KCTD16: variants seen among roughly 807,000 people sequenced by gnomAD.
The protein encoded by KCTD16 is potassium channel tetramerization domain containing 16, also known as BTB/POZ domain-containing protein KCTD16.
In KCTD16, 13 loss-of-function variants were observed where a neutral mutation model predicts 33.2. The ratio of observed to expected loss-of-function variants is 0.39; its 90% CI spans 0.25 to 0.62. KCTD16 has a LOEUF of 0.62. KCTD16 is among the 20% of genes least tolerant of loss of function. KCTD16 has a pLI of 0.50. For missense variants in KCTD16, 441 were observed against 525.1 expected (o/e 0.84, Z 1.57); for synonymous variants, 197 against 195.3 (o/e 1.01, Z -0.07).
chr5:144,381,827 A>G (rs1408572841), intron 3 of KCTD16, among the ~76,000 whole-genome samples: 1 of 152,212 alleles, frequency 6.6e-6, no homozygotes, highest in Admixed American at 6.5e-5. Context: ...AGATTTATCA[A>G]AGAATCTAAA....
At chr5:144,459,438 G>A (rs895156337) in intron 3 of KCTD16, among the ~76,000 whole-genome samples, 5 of 151,660 alleles carry the variant, frequency 3.3e-5, no homozygotes, top group African/African-American at 9.7e-5. Context: ...TGCAACTTCC[G>A]CCTCCCAGAT....
intron 3 of KCTD16, among the ~76,000 whole-genome samples, chr5:144,437,369 T>C (rs911544718): frequency 6.6e-6 from 1 of 152,064 alleles, no homozygotes; most frequent in African/African-American, 2.4e-5. Context: ...AATGGATGGG[T>C]TAATAGTGTG....
intron 3 of KCTD16, among the ~76,000 whole-genome samples, chr5:144,448,312 G>T (rs1260594358): frequency 6.6e-6 from 1 of 152,024 alleles, no homozygotes; most frequent in Non-Finnish European, 1.5e-5. Context: ...TGTAAATCTA[G>T]ATTTTGTTTC....
At chr5:144,308,345 G>T (rs142844961) in intron 3 of KCTD16, among the ~76,000 whole-genome samples, 2 of 152,196 alleles carry the variant, frequency 1.3e-5, no homozygotes, top group Non-Finnish European at 2.9e-5. Flanking sequence ...TCAGGTAAGC[G>T]CTCATTCTGA....
intron 3 of KCTD16, 47 bp downstream of exon 3, chr5:144,207,593 T>G (rs1753227586): frequency 7.5e-7 from 1 of 1,339,086 alleles, no homozygotes. Flanking sequence ...TCAATGCTCT[T>G]CACAAATGTA....
chr5:144,314,057 C>T (rs1018361475), intron 3 of KCTD16, among the ~76,000 whole-genome samples: 1 of 152,072 alleles, frequency 6.6e-6, no homozygotes, highest in African/African-American at 2.4e-5. Context: ...TACTATGAGG[C>T]ACTATATAGC....
rs74824938 is a variant in KCTD16, at chr5:144,232,330, C to T, written c.832+24784C>T. ...TAATGATGCTCAAATAACAAAGTTG[C>T]TAATTACGACAACAGTAATAGTTAA... On this transcript the variant is annotated intron_variant, in intron 3 of 3. Transcript: ENST00000512467. Among the ~76,000 whole-genome samples the T allele has an allele frequency of 7.2e-5, 11 of 152,272 alleles. No individual in the cohort carries two copies. The East Asian group carries it at 2.1e-3, about 29-fold the overall frequency.
intron 3 of KCTD16, among the ~76,000 whole-genome samples, chr5:144,394,532 C>T (rs957045096): frequency 1.3e-5 from 2 of 152,116 alleles, no homozygotes; most frequent in Non-Finnish European, 2.9e-5. Context: ...GATATATGCC[C>T]AAGTAATATG....
chr5:144,282,742 T>A (rs1267805527), intron 3 of KCTD16, among the ~76,000 whole-genome samples: 1 of 152,158 alleles, frequency 6.6e-6, no homozygotes, highest in Non-Finnish European at 1.5e-5. Context: ...GTCTAATATT[T>A]ATGTAGCCCA....
intron 3 of KCTD16, among the ~76,000 whole-genome samples, chr5:144,368,060 G>A (rs556806328): frequency 1.3e-5 from 2 of 152,086 alleles, no homozygotes; most frequent in East Asian, 3.9e-4. Flanking sequence ...TTGAACTCCT[G>A]TGTGTTCTCA....
intron 3 of KCTD16, among the ~76,000 whole-genome samples, chr5:144,325,476 CCTT>C (rs1449942785): frequency 8.5e-5 from 13 of 152,160 alleles, no homozygotes; most frequent in African/African-American, 2.9e-4. Context: ...ACCCTCTCCT[CCTT>C]CCTCACTTGC....
chr5:144,286,065 C>T (rs185150496), intron 3 of KCTD16, among the ~76,000 whole-genome samples: 1 of 151,326 alleles, frequency 6.6e-6, no homozygotes, highest in African/African-American at 2.4e-5. Context: ...TCACCAATTG[C>T]CCAGCAGAAT....
intron 3 of KCTD16, among the ~76,000 whole-genome samples, chr5:144,317,900 C>CAG (rs1561565161): frequency 6.6e-6 from 1 of 152,142 alleles, no homozygotes; most frequent in Non-Finnish European, 1.5e-5. Flanking sequence ...TCCAGGAGTG[C>CAG]AGAGATGGAG....
intron 3 of KCTD16, among the ~76,000 whole-genome samples, chr5:144,351,645 A>G (rs1377288707): frequency 1.3e-5 from 2 of 152,238 alleles, no homozygotes; most frequent in Non-Finnish European, 2.9e-5. Context: ...AACATATAAA[A>G]CCAACCTAGG....
intron 3 of KCTD16, among the ~76,000 whole-genome samples, chr5:144,388,349 G>T (rs182796134): frequency 6.6e-6 from 1 of 151,904 alleles, no homozygotes; most frequent in Admixed American, 6.6e-5. Flanking sequence ...CCAAAGTGCT[G>T]GGATTACAGG....
chr5:144,412,214 C>T (rs934826703), intron 3 of KCTD16, among the ~76,000 whole-genome samples: 2 of 152,112 alleles, frequency 1.3e-5, no homozygotes, highest in Non-Finnish European at 2.9e-5. Context: ...GAAAGGATAT[C>T]GGCACTCCCA....
chr5:144,466,787 A>C (rs896373415), intron 3 of KCTD16, among the ~76,000 whole-genome samples: 27 of 151,388 alleles, frequency 1.8e-4, no homozygotes, highest in African/African-American at 6.5e-4. Flanking sequence ...ATCCTAATTG[A>C]CTAATGAGAT....
chr5:144,293,893 C>T (rs574594338), intron 3 of KCTD16, among the ~76,000 whole-genome samples: 1 of 152,304 alleles, frequency 6.6e-6, no homozygotes, highest in South Asian at 2.1e-4. Context: ...GGTGCGGTGG[C>T]TCACGCCTGT....
chr5:144,201,117 G>A (rs1302089378), intron 2 of KCTD16, among the ~76,000 whole-genome samples: 3 of 152,176 alleles, frequency 2.0e-5, no homozygotes, highest in African/African-American at 7.2e-5. Context: ...GTGAGTGTTT[G>A]AGTCAGAGAC....
Sources: allele counts gnomAD v4.1 joint callset (sites outside exome capture counted in the v4.1 genomes callset), GRCh38; gene constraint gnomAD v4.1.1; transcripts MANE v1.5; gene names NCBI Gene and HGNC (gene_info 2026-07-23, HGNC 2026-07-21).